The following TRMO variants were observed in gnomAD, a reference collection of about 807,000 sequenced individuals.
TRMO encodes tRNA (adenine(37)-N6)-methyltransferase.
In TRMO, 30 loss-of-function variants were observed where a neutral mutation model predicts 37.2. The ratio of observed to expected loss-of-function variants is 0.81; its 90% confidence interval spans 0.60 to 1.09. TRMO has a LOEUF of 1.09. Ranked by LOEUF, TRMO falls within the 50% of genes least tolerant of loss-of-function variation. The pLI is 0.00. For synonymous variants in TRMO, 239 were observed against 199.4 expected (o/e 1.20, Z -1.67); for missense variants, 552 against 549.5 (o/e 1.00, Z -0.05).
At position 97,910,491 on chromosome 9, in the gene TRMO, G is replaced by C. The variant is rs1194358199; in HGVS notation, c.535C>G (p.Gln179Glu). Residue 179 changes from glutamine to glutamate, a missense_variant, in exon 4 of 5, where the codon CAG (glutamine) becomes GAG (glutamate). Gln to Glu is a conservative substitution (Grantham distance 29, BLOSUM62 2). Transcript: ENST00000375119. ...GTGTTTGGTGTATGTTGGTTATTCT[G>C]TAAATTAAAGTCTGCTAAAGGCTCC... ...VMEPLADFNL[Q>E]NNQHTPNTVS... The C allele has an allele frequency of 1.2e-6, 2 of 1,614,054 alleles. No homozygotes were observed. Among genetic ancestry groups the C allele is most frequent in the Non-Finnish European group, 1.7e-6 (2 of 1,180,044 alleles).
chr9:97,901,999 G>C (rs1369328790), downstream of TRMO, among the ~76,000 whole-genome samples: 2 of 152,228 alleles, frequency 1.3e-5, no homozygotes, highest in Non-Finnish European at 2.9e-5. Flanking sequence ...ATGAGAAACA[G>C]CTGAAGAAAA....
In TRMO at chr9:97,913,405, T is replaced by C. The variant is rs1377975943; in HGVS notation, c.405A>G (p.Val135=). 1 of 1,613,860 alleles carries C rather than the reference T, an allele frequency of 6.2e-7. No individual in the cohort carries two copies. Among genetic ancestry groups the C allele is most frequent in the South Asian group, 1.1e-5 (1 of 91,092 alleles). The part of the protein sequence containing the change: ...IGLTLAKLEK[V]EGGAIYLSGI... ...AGTAGAAATGAAATGGGTTACCTTC[T>C]ACCTTTTCCAGCTTGGCCAGGGTCA... The change falls in exon 3 of 5, where the codon GTA becomes GTG. Residue 135 remains valine, a synonymous_variant. Coordinates refer to ENST00000375119, the MANE Select transcript of TRMO (RefSeq NM_016481.5).
intron 1 of TRMO, among the ~76,000 whole-genome samples, chr9:97,920,087 T>C (rs1189604355): frequency 6.6e-6 from 1 of 152,220 alleles, no homozygotes; most frequent in Non-Finnish European, 1.5e-5. Flanking sequence ...ATTCTGGTCT[T>C]CTTCTTCTTG....
At chr9:97,896,915 G>C in the TRMO span, among the ~76,000 whole-genome samples, 4 of 152,184 alleles carry the variant, frequency 2.6e-5, no homozygotes, top group Admixed American at 2.0e-4. Context: ...GCATGCTTGT[G>C]ATTAGACAGA....
chr9:97,897,841 C>T, the TRMO span, among the ~76,000 whole-genome samples: 1 of 152,076 alleles, frequency 6.6e-6, no homozygotes, highest in Non-Finnish European at 1.5e-5. Flanking sequence ...TACTGCTAAT[C>T]CTACTTTAAA....
intron 1 of TRMO, among the ~76,000 whole-genome samples, 190 bp downstream of exon 1, chr9:97,922,228 A>G (rs1024788300): frequency 6.6e-6 from 1 of 152,338 alleles, no homozygotes; most frequent in East Asian, 1.9e-4. Context: ...GGAACAAGCC[A>G]GATGACGTCA....
chr9:97,898,455 C>T, the TRMO span, among the ~76,000 whole-genome samples: 2 of 152,090 alleles, frequency 1.3e-5, no homozygotes, highest in South Asian at 2.1e-4. Flanking sequence ...CCTCAGCCCC[C>T]CACCCCACTG....
At chr9:97,921,956 G>A (rs1303300672) in intron 1 of TRMO, among the ~76,000 whole-genome samples, 1 of 152,144 alleles carries the variant, frequency 6.6e-6, no homozygotes, top group Non-Finnish European at 1.5e-5. Context: ...AAACGTGTGA[G>A]TAAAGAGAAA....
intron 1 of TRMO, among the ~76,000 whole-genome samples, chr9:97,920,812 C>T (rs1267687376): frequency 2.6e-5 from 4 of 152,216 alleles, no homozygotes; most frequent in African/African-American, 9.6e-5. Context: ...ATACTCTAGA[C>T]GAATCCTCAA....
chr9:97,920,477 C>T (rs1340776806), intron 1 of TRMO, among the ~76,000 whole-genome samples: 3 of 152,160 alleles, frequency 2.0e-5, no homozygotes, highest in Non-Finnish European at 4.4e-5. Flanking sequence ...GTTTTCTCAT[C>T]TATAAAACAA....
At chr9:97,913,369 A>G in intron 3 of TRMO, 32 bp downstream of exon 3, 3 of 1,612,062 alleles carry the variant, frequency 1.9e-6, no homozygotes, top group Non-Finnish European at 2.5e-6. Context: ...TTGGGTGAGG[A>G]AAAAGGTAAA....
chr9:97,898,965 A>G, the TRMO span, among the ~76,000 whole-genome samples: 2 of 148,330 alleles, frequency 1.3e-5, no homozygotes, highest in African/African-American at 5.0e-5. Context: ...TCAGCCTCCC[A>G]AGTAGCTGGG....
At chr9:97,917,980 C>T (rs1231498665) in intron 1 of TRMO, among the ~76,000 whole-genome samples, 7 of 151,474 alleles carry the variant, frequency 4.6e-5, no homozygotes, top group African/African-American at 1.5e-4. Context: ...CCACACCTGG[C>T]CAATATTCAC....
At position 97,904,896 on chromosome 9, in the gene TRMO, C is replaced by A. The variant is rs764943636; in HGVS notation, c.1163G>T (p.Arg388Leu). ...AAGGCGGTCCTGGCAAAGCTTCCGG[C>A]GGTACACAGACCGAGGATCCGCTGA... Reference protein sequence around the residue: ...VLSADPRSVYRRKLCQDRLFY... With the variant: ...VLSADPRSVYLRKLCQDRLFY... Residue 388 changes from arginine (R) to leucine (L), a missense_variant, in exon 5 of 5, where the codon CGC becomes CTC. By Grantham distance (102) the Arg-to-Leu change is moderately radical. Transcript: ENST00000375119. The A allele has an allele frequency of 2.5e-5, 40 of 1,614,034 alleles. No homozygotes were observed. The highest frequency in any genetic ancestry group is 3.1e-5 in the Non-Finnish European group (36 of 1,180,032).
At position 97,904,955 on chromosome 9, in the gene TRMO, T is replaced by C; in HGVS notation, c.1104A>G (p.Ala368=). The change falls in exon 5 of 5, where the codon GCA becomes GCG. Residue 368 remains alanine, a synonymous_variant. Transcript: ENST00000375119. ...GQASFKYFQS[A]EEAKRAIEAV... is the part of the protein sequence containing the mutation. ...CCTCAATGGCACGCTTTGCTTCCTC[T>C]GCTGACTGAAAATATTTAAATGACG... 1.2e-6 allele frequency: 2 copies of C among 1,614,006 alleles called. No individual in the cohort carries two copies. Among genetic ancestry groups the C allele is most frequent in the Non-Finnish European group, 1.7e-6 (2 of 1,179,858 alleles).
intron 3 of TRMO, chr9:97,911,257 C>G (rs1826112014): frequency 5.8e-6 from 1 of 171,712 alleles, no homozygotes; most frequent in Admixed American, 6.2e-5. Flanking sequence ...AGCACTGCTG[C>G]TGGCTGGAAG....
At chr9:97,908,404 T>A (rs1446014285) in intron 4 of TRMO, among the ~76,000 whole-genome samples, 1 of 109,404 alleles carries the variant, frequency 9.1e-6, no homozygotes, top group Admixed American at 1.1e-4. Context: ...AGAGCGAGAC[T>A]CCGTCTCAAA....
intron 4 of TRMO, among the ~76,000 whole-genome samples, chr9:97,908,549 A>G (rs577891997): frequency 3.9e-4 from 60 of 152,256 alleles, no homozygotes; most frequent in Non-Finnish European, 6.9e-4. Flanking sequence ...TGTTCTTGCC[A>G]CTGCACTCCA....
At chr9:97,897,025 T>G in the TRMO span, among the ~76,000 whole-genome samples, 4 of 152,220 alleles carry the variant, frequency 2.6e-5, no homozygotes, top group Non-Finnish European at 5.9e-5. Context: ...CATATTTTTG[T>G]TTATGCTTCT....
Sources: gnomAD v4.1 joint callset for allele counts (sites outside exome capture counted in the v4.1 genomes callset) on GRCh38, gnomAD v4.1.1 for gene constraint, MANE v1.5 for transcripts, NCBI Gene and HGNC (gene_info 2026-07-23, HGNC 2026-07-21) for gene names.